The following KMT2E variants were observed in gnomAD, a reference collection of about 807,000 sequenced individuals.
KMT2E encodes the protein lysine methyltransferase 2E (inactive).
In KMT2E, 30 loss-of-function variants were observed where a neutral mutation model predicts 184.6. That is an observed-to-expected ratio of 0.16 (90% CI 0.12 to 0.22). The LOEUF (loss-of-function observed/expected upper bound fraction) is 0.22, where lower values mean the gene tolerates loss of function less well. KMT2E is among the 10% of genes least tolerant of loss of function. The probability of loss-of-function intolerance (pLI) is 1.00; values close to 1 mark genes in which losing one functional copy is unlikely to be tolerated. For synonymous variants in KMT2E, 815 were observed against 776.5 expected (o/e 1.05, Z -0.82); for missense variants, 2,023 against 2,237.4 (o/e 0.90, Z 1.93).
intron 17 of KMT2E, chr7:105,102,539 AG>A (rs1354133982): frequency 6.2e-6 from 1 of 160,076 alleles, no homozygotes; most frequent in Non-Finnish European, 1.4e-5. Context: ...TTGTATAGGT[AG>A]ATTATAAGAA....
intron 15 of KMT2E, among the ~76,000 whole-genome samples, chr7:105,094,006 T>TCC (rs2129569062): frequency 6.6e-6 from 1 of 152,320 alleles, no homozygotes; most frequent in South Asian, 2.1e-4. Context: ...CCCATAGCTC[T>TCC]CCAAGTTATC....
At chr7:105,064,177 T>A in intron 5 of KMT2E, 1 of 301,352 alleles carries the variant, frequency 3.3e-6, no homozygotes, top group Non-Finnish European at 6.4e-6. Flanking sequence ...TTTTTTTTTT[T>A]TTTTTTTTTT....
At chr7:105,045,479 C>A (rs952482308) in intron 3 of KMT2E, among the ~76,000 whole-genome samples, 8 of 152,114 alleles carry the variant, frequency 5.3e-5, no homozygotes, top group African/African-American at 1.9e-4. Flanking sequence ...ACCTCATAAC[C>A]TCTATTGTAG....
chr7:105,040,747 T>G, intron 2 of KMT2E, 92 bp from the exon 3 acceptor site: 1 of 368,068 alleles, frequency 2.7e-6, no homozygotes, highest in Admixed American at 4.5e-5. Context: ...TCAATTTATA[T>G]TGAGATTTTA....
intron 13 of KMT2E, among the ~76,000 whole-genome samples, chr7:105,086,106 C>T (rs373732879): frequency 6.6e-6 from 1 of 152,068 alleles, no homozygotes; most frequent in East Asian, 1.9e-4. Flanking sequence ...ACATTTATTA[C>T]GTGAGATTAA....
chr7:105,079,198 C>T (rs1031646152), intron 12 of KMT2E, among the ~76,000 whole-genome samples: 7 of 150,292 alleles, frequency 4.7e-5, no homozygotes, highest in Non-Finnish European at 7.4e-5. Context: ...TACAATGGCA[C>T]GATCTCAGCT....
chr7:105,068,624 G>GGTTTTT (rs1797144682), intron 6 of KMT2E, among the ~76,000 whole-genome samples: 1 of 112,274 alleles, frequency 8.9e-6, no homozygotes, highest in African/African-American at 4.0e-5. Context: ...ACTAGTTGTG[G>GGTTTTT]TTTTTTTTTT....
At chr7:105,075,962 T>C in intron 8 of KMT2E, 81 bp from the exon 9 acceptor site, 2 of 1,135,946 alleles carry the variant, frequency 1.8e-6, no homozygotes, top group Non-Finnish European at 2.6e-6. Flanking sequence ...CAGTTAAAAG[T>C]TTCAATGAAC....
chr7:105,040,028 A>G (rs1348969038), intron 2 of KMT2E, among the ~76,000 whole-genome samples: 3 of 152,170 alleles, frequency 2.0e-5, no homozygotes, highest in Non-Finnish European at 4.4e-5. Flanking sequence ...TTTTTCTACT[A>G]ATTGAGTTAG....
At chr7:105,089,162 A>G (rs1336205396) in intron 13 of KMT2E, 1 of 341,794 alleles carries the variant, frequency 2.9e-6, no homozygotes, top group Non-Finnish European at 5.7e-6. Flanking sequence ...CATGTTGAGC[A>G]TCCCTCATGC....
intron 3 of KMT2E, among the ~76,000 whole-genome samples, chr7:105,049,855 C>G (rs576090068): frequency 1.3e-5 from 2 of 152,124 alleles, no homozygotes; most frequent in African/African-American, 4.8e-5. Flanking sequence ...CATGCCACTG[C>G]ACTCCAGCCT....
At chr7:105,031,938 C>T (rs1795436382) in intron 1 of KMT2E, among the ~76,000 whole-genome samples, 2 of 150,784 alleles carry the variant, frequency 1.3e-5, no homozygotes, top group African/African-American at 2.4e-5. Context: ...GGCATGGTGG[C>T]GCGCCTGTAG....
At chr7:105,062,755 A>G (rs2129567169) in intron 4 of KMT2E, among the ~76,000 whole-genome samples, 1 of 152,018 alleles carries the variant, frequency 6.6e-6, no homozygotes, top group Admixed American at 6.5e-5. Context: ...TAGGTGAGAA[A>G]ATAAAAGCCT....
intron 26 of KMT2E, among the ~76,000 whole-genome samples, chr7:105,111,455 G>C (rs1016351393): frequency 6.6e-6 from 1 of 151,884 alleles, no homozygotes; most frequent in Non-Finnish European, 1.5e-5. Flanking sequence ...TTATCCTTAG[G>C]TTGGGTATAG....
At chr7:105,109,464 A>C (rs1306266205) in intron 23 of KMT2E, among the ~76,000 whole-genome samples, 2 of 152,176 alleles carry the variant, frequency 1.3e-5, no homozygotes, top group African/African-American at 4.8e-5. Flanking sequence ...CTCTCCAAAG[A>C]ATTTTTATCA....
intron 1 of KMT2E, among the ~76,000 whole-genome samples, chr7:105,032,391 C>T (rs1350315403): frequency 6.6e-6 from 1 of 152,046 alleles, no homozygotes. Context: ...TTGCAGTGAG[C>T]AGAGATCGCA....
At chr7:105,094,872 G>T (rs1040490246) in intron 15 of KMT2E, among the ~76,000 whole-genome samples, 3 of 152,060 alleles carry the variant, frequency 2.0e-5, no homozygotes, top group Non-Finnish European at 4.4e-5. Flanking sequence ...GTATATATAG[G>T]GTTCAGTACT....
Position 105,112,472 on chromosome 7 carries a change from C to G in KMT2E, c.4716C>G (p.Leu1572=), listed in dbSNP as rs758860910. ...CAAACTTTCAGAATTATAATCAGCT[C>G]AAAGGTAGTCTTTCTCAACAAACTG... ...PSANFQNYNQ[L]KGSLSQQTVF... is the part of the protein sequence containing the mutation. The change falls in exon 27 of 27, where the codon CTC becomes CTG. Residue 1572 remains leucine (L), a synonymous_variant. Transcript: ENST00000311117. 1.1e-5 allele frequency: 18 copies of G among 1,613,790 alleles called. No individual in the cohort carries two copies. The East Asian group carries it at 4.0e-4, about 36-fold the overall frequency.
Position 105,076,960 on chromosome 7 carries a change from T to C in KMT2E, c.769-3T>C, listed in dbSNP as rs1797554841. ...GATACTAAAGCTCAGTTTATGATTT[T>C]AGGGTTCAGCTCCAGAGATTGATCC... On this transcript the variant is annotated splice_region_variant and splice_polypyrimidine_tract_variant and intron_variant, in intron 9 of 26. Transcript: ENST00000311117. The C allele has an allele frequency of 6.2e-7, 1 of 1,609,608 alleles. No homozygotes were observed. Among genetic ancestry groups the C allele is most frequent in the Non-Finnish European group, 8.5e-7 (1 of 1,176,996 alleles).
Sources: gnomAD v4.1 joint callset for allele counts (sites outside exome capture counted in the v4.1 genomes callset) on GRCh38, gnomAD v4.1.1 for gene constraint, MANE v1.5 for transcripts, NCBI Gene and HGNC (gene_info 2026-07-23, HGNC 2026-07-21) for gene names.